VPS13B: variants seen among roughly 807,000 people sequenced by gnomAD.
VPS13B encodes the protein vacuolar protein sorting 13 homolog B.
VPS13B carries 285 observed loss-of-function variants against 426.4 expected under a neutral mutation model. That is an observed-to-expected ratio of 0.67 (90% CI 0.61 to 0.74). VPS13B has a LOEUF of 0.74. Ranked by LOEUF, VPS13B falls within the 30% of genes least tolerant of loss-of-function variation. The pLI, the probability that VPS13B is intolerant of heterozygous loss-of-function variation, is 0.00. For missense variants in VPS13B, 4,537 were observed against 4,782.6 expected, an observed-to-expected ratio of 0.95 and a Z score of 1.51; for synonymous variants, 1,676 against 1,676.4, an observed-to-expected ratio of 1.00 and a Z score of 0.01.
At chr8:99,043,190 T>C (rs1843053601) in intron 3 of VPS13B, among the ~76,000 whole-genome samples, 4 of 152,146 alleles carry the variant, frequency 2.6e-5, no homozygotes, top group Admixed American at 2.6e-4. Flanking sequence ...AGATAGGATT[T>C]TTTATTTACT....
chr8:99,502,995 G>T lies in VPS13B; in HGVS notation c.4157+45G>T. The T allele has an allele frequency of 2.8e-6, 4 of 1,423,124 alleles. No individual in the cohort carries two copies. The South Asian group carries it at 3.5e-5, about 12-fold the overall frequency. 88.2% of individuals were successfully genotyped at this position (1,423,124 alleles called of 1,614,324 possible). ...TATAAGAAAATCTGTATTTTTCTTT[G>T]AACAAAGTTACCATAAGACTTTTTC... On this transcript the variant is annotated intron_variant, in intron 27 of 61. Coordinates refer to ENST00000357162, the MANE Select transcript of VPS13B (RefSeq NM_152564.5).
intron 54 of VPS13B, among the ~76,000 whole-genome samples, chr8:99,839,778 A>T (rs903332030): frequency 6.6e-6 from 1 of 152,308 alleles, no homozygotes; most frequent in Admixed American, 6.5e-5. Context: ...CTTCCATGAC[A>T]TCTCACCCCA....
At chr8:99,486,389 C>T (rs1167384999) in intron 25 of VPS13B, among the ~76,000 whole-genome samples, 5 of 151,994 alleles carry the variant, frequency 3.3e-5, no homozygotes, top group Admixed American at 3.3e-4. Context: ...CCACTCCTGG[C>T]TGATTTTTGT....
intron 23 of VPS13B, among the ~76,000 whole-genome samples, chr8:99,460,882 T>A (rs1317084760): frequency 1.3e-5 from 2 of 152,192 alleles, no homozygotes; most frequent in Non-Finnish European, 2.9e-5. Context: ...TGGAACCTCC[T>A]CTGTGGTAGA....
At chr8:99,602,710 A>G (rs187930927) in intron 33 of VPS13B, among the ~76,000 whole-genome samples, 1 of 151,884 alleles carries the variant, frequency 6.6e-6, no homozygotes, top group East Asian at 1.9e-4. Context: ...TCAATGTGCA[A>G]AAATCACAAG....
chr8:99,106,031 T>A (rs1328142646), intron 5 of VPS13B, among the ~76,000 whole-genome samples: 1 of 152,230 alleles, frequency 6.6e-6, no homozygotes, highest in Non-Finnish European at 1.5e-5. Context: ...TGTTTAACCC[T>A]TTAACTCTCT....
chr8:99,433,922 C>T (rs1183311068), intron 22 of VPS13B, among the ~76,000 whole-genome samples: 1 of 152,094 alleles, frequency 6.6e-6, no homozygotes, highest in Non-Finnish European at 1.5e-5. Context: ...TCTTCTGCCT[C>T]AGCCTCCCCA....
At chr8:99,442,669 T>G in intron 23 of VPS13B, 34 bp downstream of exon 23, 1 of 1,583,154 alleles carries the variant, frequency 6.3e-7, no homozygotes, top group Non-Finnish European at 8.7e-7. Context: ...ATGGTTAATG[T>G]TTTATATGGA....
intron 17 of VPS13B, among the ~76,000 whole-genome samples, chr8:99,273,221 C>A (rs887004310): frequency 1.4e-5 from 2 of 145,238 alleles, no homozygotes; most frequent in African/African-American, 5.1e-5. Flanking sequence ...TGCAGTGGTG[C>A]GACCTCTGCT....
intron 3 of VPS13B, among the ~76,000 whole-genome samples, chr8:99,083,069 T>C (rs11993136): frequency 0.81 from 122,667 of 152,042 alleles, 50,017 homozygotes; most frequent in South Asian, 0.88. Context: ...GCCATTTTCA[T>C]GATATTGATT....
chr8:99,152,868 A>C (rs1383134363), intron 14 of VPS13B, among the ~76,000 whole-genome samples: 3 of 152,162 alleles, frequency 2.0e-5, no homozygotes, highest in African/African-American at 7.2e-5. Context: ...TTAATCTACA[A>C]GTGTCTACAT....
At chr8:99,354,900 C>T (rs1232589487) in intron 19 of VPS13B, among the ~76,000 whole-genome samples, 2 of 152,050 alleles carry the variant, frequency 1.3e-5, no homozygotes, top group Non-Finnish European at 2.9e-5. Flanking sequence ...GGGCAACACT[C>T]AGAGTGGATT....
chr8:99,337,024 A>T (rs979140704), intron 19 of VPS13B, among the ~76,000 whole-genome samples: 1 of 152,164 alleles, frequency 6.6e-6, no homozygotes, highest in Non-Finnish European at 1.5e-5. Context: ...TATATACCCA[A>T]AGGATTATAA....
intron 26 of VPS13B, 85 bp from the exon 27 acceptor site, chr8:99,502,751 A>G (rs1821310983): frequency 9.5e-7 from 1 of 1,051,530 alleles, no homozygotes; most frequent in Non-Finnish European, 1.5e-6. Context: ...TCCAGCATGC[A>G]TTTGTCAATG....
intron 8 of VPS13B, among the ~76,000 whole-genome samples, chr8:99,125,382 C>T (rs954211657): frequency 6.6e-6 from 1 of 152,204 alleles, no homozygotes; most frequent in Admixed American, 6.5e-5. Flanking sequence ...CTGCTTTATC[C>T]TAGCTGTGCT....
intron 19 of VPS13B, among the ~76,000 whole-genome samples, chr8:99,316,058 G>A (rs576075945): frequency 1.3e-5 from 2 of 152,288 alleles, no homozygotes; most frequent in African/African-American, 4.8e-5. Context: ...TTTTCTGGTG[G>A]GATGCATAGG....
intron 59 of VPS13B, among the ~76,000 whole-genome samples, chr8:99,869,141 T>G (rs1052322861): frequency 2.6e-5 from 4 of 152,260 alleles, no homozygotes; most frequent in Non-Finnish European, 5.9e-5. Context: ...CACATTCAAG[T>G]GACTTTCCAT....
At chr8:99,335,344 G>T (rs893904997) in intron 19 of VPS13B, among the ~76,000 whole-genome samples, 8 of 151,972 alleles carry the variant, frequency 5.3e-5, no homozygotes, top group African/African-American at 1.7e-4. Flanking sequence ...GGTTTTTTGT[G>T]TCTCTATTTC....
chr8:99,054,730 T>G (rs1362641606), intron 3 of VPS13B, among the ~76,000 whole-genome samples: 5 of 152,210 alleles, frequency 3.3e-5, no homozygotes, highest in African/African-American at 1.2e-4. Flanking sequence ...TTGAATTAAA[T>G]TTTGTATATG....
Sources: gnomAD v4.1 joint callset for allele counts (sites outside exome capture counted in the v4.1 genomes callset) on GRCh38, gnomAD v4.1.1 for gene constraint, MANE v1.5 for transcripts, NCBI Gene and HGNC (gene_info 2026-07-23, HGNC 2026-07-21) for gene names.